The following GRM4 variants were observed in gnomAD, a reference collection of about 807,000 sequenced individuals.
GRM4 encodes glutamate metabotropic receptor 4.
In GRM4, 28 loss-of-function variants were observed where a neutral mutation model predicts 81.7. The ratio of observed to expected loss-of-function variants is 0.34; its 90% confidence interval spans 0.25 to 0.47. The LOEUF (loss-of-function observed/expected upper bound fraction) is 0.47. Ranked by LOEUF, GRM4 falls within the 20% of genes least tolerant of loss-of-function variation. The pLI is 1.00. For missense variants in GRM4, 948 were observed against 1,290.0 expected, an observed-to-expected ratio of 0.73 and a Z score of 4.06; for synonymous variants, 488 against 528.8, an observed-to-expected ratio of 0.92 and a Z score of 1.06.
At position 34,059,776 on chromosome 6, in the gene GRM4, A is replaced by T; in HGVS notation, c.873-648T>A. 1 of 152,386 alleles carries T rather than the reference A, an allele frequency of 6.6e-6. No individual in the cohort carries two copies. The highest frequency in any genetic ancestry group is 1.5e-5 in the Non-Finnish European group (1 of 68,204). 9.4% of individuals were successfully genotyped at this position (152,386 alleles called of 1,614,324 possible). ...CTGTGATGGTAATATAAATCAAACCAGGGACCCAAGAGCCCAGCCCGGGGC... is the reference window on the plus strand; with the variant it reads ...CTGTGATGGTAATATAAATCAAACCTGGGACCCAAGAGCCCAGCCCGGGGC... On this transcript the variant is annotated intron_variant, in intron 4 of 10. Transcript: ENST00000538487. The surrounding 1 kb of genome is among the most constrained non-coding windows in gnomAD (Gnocchi z 5.7).
rs1771073230 is a variant in GRM4, at chr6:34,152,894, A to G, written c.312+2185T>C. On this transcript the variant is annotated intron_variant, in intron 1 of 8. Coordinates refer to the GRM4 transcript ENST00000374177. The surrounding 1 kb of genome is among the most constrained non-coding windows in gnomAD (Gnocchi z 4.1). Reference sequence around the variant, plus strand: ...GAAGGTGGGGCATCTCAGGAGGGCCAGGGCCTGCAGAGACCCAGGCTGGGG... The same window carrying G: ...GAAGGTGGGGCATCTCAGGAGGGCCGGGGCCTGCAGAGACCCAGGCTGGGG... Among the ~76,000 whole-genome samples, 3 of 152,082 alleles carry G rather than the reference A, an allele frequency of 2.0e-5. No homozygotes were observed.
At chr6:34,127,840 C>T (rs1034082971) in intron 2 of GRM4, among the ~76,000 whole-genome samples, 1 of 152,174 alleles carries the variant, frequency 6.6e-6, no homozygotes, top group Non-Finnish European at 1.5e-5. Flanking sequence ...CTCTAGAGTT[C>T]CTCCTGGCTG....
At chr6:34,105,618 T>C (rs1769084793) in intron 2 of GRM4, among the ~76,000 whole-genome samples, 1 of 152,082 alleles carries the variant, frequency 6.6e-6, no homozygotes, top group South Asian at 2.1e-4. Flanking sequence ...ACTCACTCCC[T>C]GGGGCCTGGG....
rs1472449616 is a variant in GRM4 at position 34,035,637 on chromosome 6, C to T, written c.2442+31G>A. 4.4e-6 allele frequency: 6 copies of T among 1,365,486 alleles called. No individual in the cohort carries two copies. Among genetic ancestry groups the T allele is most frequent in the South Asian group, 4.0e-5 (3 of 74,946 alleles). The allele number at this position is 1,365,486 out of a possible 1,614,324, so 84.6% of individuals were successfully genotyped here. On this transcript the variant is annotated intron_variant, in intron 9 of 10. Transcript: ENST00000538487. The surrounding 1 kb of genome is among the most constrained non-coding windows in gnomAD (Gnocchi z 6.6). ...CCCCTTGCTCACTGCCCTCACCTAC[C>T]CACCGTCCACCCCCGGCCCCCACCA... is the stretch of plus-strand genomic sequence containing the variant.
intron 6 of GRM4, among the ~76,000 whole-genome samples, chr6:34,053,451 C>G (rs1370045317): frequency 6.6e-6 from 1 of 152,220 alleles, no homozygotes. Flanking sequence ...TCACCTCACC[C>G]AGAGATAGAC....
intron 6 of GRM4, among the ~76,000 whole-genome samples, chr6:34,051,197 C>T (rs2127455403): frequency 6.6e-6 from 1 of 152,264 alleles, no homozygotes; most frequent in East Asian, 1.9e-4. Context: ...TCTCTGGAGC[C>T]AAATGGTCGG....
chr6:34,132,716 T>C (rs1056258619), intron 2 of GRM4, among the ~76,000 whole-genome samples: 1 of 152,122 alleles, frequency 6.6e-6, no homozygotes, highest in Non-Finnish European at 1.5e-5. Flanking sequence ...GCAGGTGCTG[T>C]TTCAGCACCT....
At chr6:34,088,698 C>T (rs1311114996) in intron 3 of GRM4, among the ~76,000 whole-genome samples, 1 of 152,208 alleles carries the variant, frequency 6.6e-6, no homozygotes, top group Non-Finnish European at 1.5e-5. Context: ...AGCCACATCA[C>T]TTCTCTAAGG....
At chr6:34,093,427 C>T (rs1221280560) in intron 2 of GRM4, among the ~76,000 whole-genome samples, 2 of 152,222 alleles carry the variant, frequency 1.3e-5, no homozygotes, top group African/African-American at 4.8e-5. Context: ...CTATGATGTC[C>T]TAAGTGCTGA....
chr6:34,141,626 A>G (rs1770693989), intron 1 of GRM4, among the ~76,000 whole-genome samples: 1 of 149,198 alleles, frequency 6.7e-6, no homozygotes, highest in South Asian at 2.2e-4. Context: ...TCGTTTTTCC[A>G]AGGAGCCAAG....
chr6:34,143,285 T>C (rs1328654869), intron 1 of GRM4, among the ~76,000 whole-genome samples: 1 of 151,950 alleles, frequency 6.6e-6, no homozygotes, highest in Non-Finnish European at 1.5e-5. Context: ...GGAGGCACCA[T>C]CCTCAAAGCC....
intron 2 of GRM4, among the ~76,000 whole-genome samples, chr6:34,126,922 T>A (rs369717521): frequency 6.6e-6 from 1 of 152,240 alleles, no homozygotes; most frequent in Middle Eastern, 3.2e-3. Context: ...ACAGCAGCCC[T>A]AGACAAGACA....
intron 10 of GRM4, among the ~76,000 whole-genome samples, chr6:34,025,591 A>G (rs1581578631): frequency 6.6e-6 from 1 of 152,092 alleles, no homozygotes; most frequent in Non-Finnish European, 1.5e-5. Context: ...GGAGCTCTTC[A>G]CCCAAGCCTC....
At chr6:34,103,970 C>T (rs1768986428) in intron 2 of GRM4, 1 of 588,266 alleles carries the variant, frequency 1.7e-6, no homozygotes, top group Non-Finnish European at 2.4e-6. Context: ...GACAGGGGCT[C>T]ATGCACAGCC....
Position 34,090,808 on chromosome 6 carries a change from A to G in GRM4, c.736+1075T>C, listed in dbSNP as rs1445818817. ...GAAAAGCAATTAGAGTCCTGAGGCCATGAGGGTATAAATATACAGACGCCA... is the reference window on the plus strand; with the variant it reads ...GAAAAGCAATTAGAGTCCTGAGGCCGTGAGGGTATAAATATACAGACGCCA... On this transcript the variant is annotated intron_variant, in intron 3 of 10. Coordinates refer to ENST00000538487, the MANE Select transcript of GRM4 (RefSeq NM_000841.4). The surrounding 1 kb of genome is among the most constrained non-coding windows in gnomAD (Gnocchi z 5.2). Among the ~76,000 whole-genome samples the G allele has an allele frequency of 6.6e-6, 1 of 152,158 alleles. No individual in the cohort carries two copies. The highest frequency in any genetic ancestry group is 1.5e-5 in the Non-Finnish European group (1 of 68,014).
At chr6:34,098,721 A>G (rs1270199950) in intron 2 of GRM4, among the ~76,000 whole-genome samples, 1 of 152,252 alleles carries the variant, frequency 6.6e-6, no homozygotes. Flanking sequence ...TTCAGGTAAC[A>G]TGAAAGCTGT....
At chr6:34,053,583 C>T (rs1359377169) in intron 6 of GRM4, among the ~76,000 whole-genome samples, 1 of 152,222 alleles carries the variant, frequency 6.6e-6, no homozygotes, top group Non-Finnish European at 1.5e-5. Flanking sequence ...GAGCCCCTGC[C>T]CTTTTGCTCA....
chr6:34,025,754 T>C (rs1050427750), intron 10 of GRM4, among the ~76,000 whole-genome samples: 3 of 152,256 alleles, frequency 2.0e-5, no homozygotes, highest in Admixed American at 6.5e-5. Flanking sequence ...ACCTGCCATG[T>C]GGCCCTTCTA....
intron 3 of GRM4, among the ~76,000 whole-genome samples, chr6:34,079,881 C>G (rs900770676): frequency 6.6e-6 from 1 of 152,206 alleles, no homozygotes; most frequent in Non-Finnish European, 1.5e-5. Flanking sequence ...GGCCTCCACA[C>G]TGGCCCAGGG....
Sources: gnomAD v4.1 joint callset for allele counts (sites outside exome capture counted in the v4.1 genomes callset) on GRCh38, gnomAD v4.1.1 for gene constraint, Gnocchi (gnomAD v3.1) non-coding constraint, MANE v1.5 for transcripts, NCBI Gene and HGNC (gene_info 2026-07-23, HGNC 2026-07-21) for gene names.